The following TOPORS variants were observed in gnomAD, a reference collection of about 807,000 sequenced individuals.
The protein encoded by TOPORS is TOP1 binding arginine/serine rich protein, E3 ubiquitin ligase.
Under a neutral mutation model 81.4 loss-of-function variants are expected in TOPORS, and 25 were observed. That is an observed-to-expected ratio of 0.31 (90% CI 0.22 to 0.43). The LOEUF (loss-of-function observed/expected upper bound fraction) is 0.43. Ranked by LOEUF, TOPORS falls within the 20% of genes least tolerant of loss-of-function variation. The pLI is 1.00. For missense variants in TOPORS, 1,101 were observed against 1,267.0 expected, an observed-to-expected ratio of 0.87 and a Z score of 1.99; for synonymous variants, 473 against 456.6, an observed-to-expected ratio of 1.04 and a Z score of -0.46.
chr9:32,552,174 CA>C (rs35415231), intron 1 of TOPORS: 206,584 of 492,908 alleles, frequency 0.42, 13,390 homozygotes, highest in Admixed American at 0.47. Flanking sequence ...CCTTAGTTGG[CA>C]AAAAAAAAAA....
Position 32,542,172 on chromosome 9 carries a change from C to T in TOPORS, c.2353G>A (p.Asp785Asn). The change falls in exon 3 of 3, where the codon GAC (aspartate) becomes AAC (asparagine). Residue 785 changes from aspartate (D) to asparagine (N), a missense_variant. By Grantham distance (23) the Asp-to-Asn change is conservative (BLOSUM62 1). This residue lies in a region of TOPORS where 605 missense variants were observed against 636.1 expected (regional missense o/e 0.95). Transcript: ENST00000360538. Reference sequence around the variant, plus strand: ...CCAGGCTTTTCATTTCTCACCCGGTCAGTCCCGGTAGATGCAGTCCTTGAT... The same window carrying T: ...CCAGGCTTTTCATTTCTCACCCGGTTAGTCCCGGTAGATGCAGTCCTTGAT... ...NRSRTASTGTDRVRNEKPGGK... is the reference protein window; with the variant it reads ...NRSRTASTGTNRVRNEKPGGK... 1 of 1,614,222 alleles carries T rather than the reference C, an allele frequency of 6.2e-7. No individual in the cohort carries two copies. Among genetic ancestry groups the T allele is most frequent in the Admixed American group, 1.7e-5 (1 of 60,030 alleles).
In TOPORS at chr9:32,542,378, T is replaced by C; in HGVS notation, c.2147A>G (p.Tyr716Cys). The C allele has an allele frequency of 5.6e-6, 9 of 1,614,096 alleles. No individual in the cohort carries two copies. Among genetic ancestry groups the C allele is most frequent in the Middle Eastern group, 1.6e-4 (1 of 6,062 alleles). ...YYSRNKDRDG[Y>C]ESSYRRRTLS... Reference sequence around the variant, plus strand: ...AGTCCTCCTCCTGTAAGATGATTCGTACCCATCCCTGTCCTTGTTTCTACT... The same window carrying C: ...AGTCCTCCTCCTGTAAGATGATTCGCACCCATCCCTGTCCTTGTTTCTACT... Residue 716 changes from tyrosine (Y) to cysteine (C), a missense_variant, in exon 3 of 3, where the codon TAC (tyrosine) becomes TGC (cysteine). Tyr to Cys is a radical substitution (Grantham distance 194, BLOSUM62 -2). Transcript: ENST00000360538.
chr9:32,548,395 A>G (rs955737435), intron 2 of TOPORS, among the ~76,000 whole-genome samples: 2 of 151,696 alleles, frequency 1.3e-5, no homozygotes, highest in Non-Finnish European at 2.9e-5. Context: ...GTGGTGGCGC[A>G]TGCCTGGAAT....
chr9:32,545,733 G>A (rs1239065991), intron 2 of TOPORS, among the ~76,000 whole-genome samples: 1 of 151,996 alleles, frequency 6.6e-6, no homozygotes, highest in African/African-American at 2.4e-5. Flanking sequence ...TGCAGTGGGT[G>A]ACAAGAGTGA....
Position 32,541,480 on chromosome 9 carries a change from A to G in TOPORS, c.3045T>C (p.Ile1015=), listed in dbSNP as rs911114850. 2.5e-6 allele frequency: 4 copies of G among 1,614,226 alleles called. No individual in the cohort carries two copies. The highest frequency in any genetic ancestry group is 1.1e-5 in the South Asian group (1 of 91,090). Residue 1015 remains isoleucine, a synonymous_variant, in exon 3 of 3, where the codon ATT becomes ATC. Transcript: ENST00000360538. ...VSDLENQPSN[I]VSLQTEPSRQ... The stretch of plus-strand genomic sequence containing the variant: ...TTGATGGCTCAGTTTGAAGAGACAC[A>G]ATGTTACTGGGCTGGTTCTCCAAAT...
chr9:32,551,478 A>G (rs1003534866), intron 1 of TOPORS: 12 of 267,358 alleles, frequency 4.5e-5, no homozygotes, highest in Admixed American at 4.7e-5. Flanking sequence ...GGCTGGGGAG[A>G]AACAGGACAA....
At position 32,543,786 on chromosome 9, in the gene TOPORS, A is replaced by G; in HGVS notation, c.739T>C (p.Leu247=). The G allele has an allele frequency of 1.2e-6, 2 of 1,611,610 alleles. No homozygotes were observed. The highest frequency in any genetic ancestry group is 2.2e-5 in the South Asian group (2 of 90,648). The change falls in exon 3 of 3, where the codon TTG becomes CTG. Residue 247 remains leucine, a synonymous_variant. Coordinates refer to ENST00000360538, the MANE Select transcript of TOPORS (RefSeq NM_005802.5). The surrounding 1 kb of genome is among the most constrained non-coding windows in gnomAD (Gnocchi z 5.6). ...ATATCTTGTTCTTGAATTTTCCGCA[A>G]AGATCTTTCATCTGCCGTAGTTGGC... The part of the protein sequence containing the change: ...RRPTTADERS[L]RKIQEQDIIN...
In TOPORS at chr9:32,542,707, A is replaced by C. The variant is rs1402253933; in HGVS notation, c.1818T>G (p.Ser606Arg). ...RSRSSDSRSQSRSGHDQKNHR... is the reference protein window; with the variant it reads ...RSRSSDSRSQRRSGHDQKNHR... ...GATTCTTCTGATCATGCCCACTTCTACTCTGAGAACGTGAATCTGAACTTC... is the reference window on the plus strand; with the variant it reads ...GATTCTTCTGATCATGCCCACTTCTCCTCTGAGAACGTGAATCTGAACTTC... The change falls in exon 3 of 3, where the codon AGT becomes AGG. Residue 606 changes from serine to arginine, a missense_variant. By Grantham distance (110) the Ser-to-Arg change is moderately radical. This residue lies in a region of TOPORS where 605 missense variants were observed against 636.1 expected (regional missense o/e 0.95). Coordinates refer to ENST00000360538, the MANE Select transcript of TOPORS (RefSeq NM_005802.5). The C allele has an allele frequency of 3.1e-6, 5 of 1,613,686 alleles. No individual in the cohort carries two copies. Among genetic ancestry groups the C allele is most frequent in the Non-Finnish European group, 4.2e-6 (5 of 1,179,970 alleles).
intron 2 of TOPORS, among the ~76,000 whole-genome samples, chr9:32,548,580 C>G (rs1821174283): frequency 2.0e-5 from 3 of 152,086 alleles, no homozygotes. Flanking sequence ...AAGAGACGTT[C>G]TGAATTTAAG....
Position 32,550,733 on chromosome 9 carries a change from C to G in TOPORS, c.198+41G>C, listed in dbSNP as rs1277337613. The G allele has an allele frequency of 3.1e-6, 5 of 1,609,534 alleles. No homozygotes were observed. In the East Asian group the frequency reaches 1.1e-4, roughly 36 times the overall value. On this transcript the variant is annotated intron_variant, in intron 2 of 2. Coordinates refer to ENST00000360538, the MANE Select transcript of TOPORS (RefSeq NM_005802.5). ...AGGCGGGAGCGCCAACTCCCACGGCCCTTCCGACCCCCGCGTCCCATTGTT... is the reference window on the plus strand; with the variant it reads ...AGGCGGGAGCGCCAACTCCCACGGCGCTTCCGACCCCCGCGTCCCATTGTT...
intron 1 of TOPORS, 180 bp downstream of exon 1, chr9:32,552,254 C>T (rs1456847402): frequency 1.3e-6 from 1 of 794,134 alleles, no homozygotes; most frequent in Non-Finnish European, 2.1e-6. Context: ...CCCCCGATCA[C>T]GTGATACCGC....
At position 32,541,441 on chromosome 9, in the gene TOPORS, C is replaced by T. The variant is rs377690669; in HGVS notation, c.3084G>A (p.Ser1028=). 36 of 1,614,144 alleles carry T rather than the reference C, an allele frequency of 2.2e-5. No homozygotes were observed. The highest frequency in any genetic ancestry group is 2.2e-4 in the South Asian group (20 of 91,086). ...LQTEPSRQLP[S]PRTSLMSVCL... The stretch of plus-strand genomic sequence containing the variant: ...ATACTGACATTAATGATGTCCGTGG[C>T]GATGGCAATTGCCTTGATGGCTCAG... The change falls in exon 3 of 3, where the codon TCG becomes TCA. Residue 1028 remains serine, a synonymous_variant. Transcript: ENST00000360538.
chr9:32,544,298 T>C lies in TOPORS; in HGVS notation c.227A>G (p.Lys76Arg). The change falls in exon 3 of 3, where the codon AAA (lysine) becomes AGA (arginine). Residue 76 changes from lysine to arginine, a missense_variant. By Grantham distance (26) the Lys-to-Arg change is conservative. Transcript: ENST00000360538. ...EIMASAAKEF[K>R]MDNFSPKAGT... ...AGCTTTAGGTGAAAAGTTGTCCATT[T>C]TAAATTCCTTAGCAGCTGATGCCAT... 6.2e-7 allele frequency: 1 copy of C among 1,601,830 alleles called. No homozygotes were observed. Among genetic ancestry groups the C allele is most frequent in the South Asian group, 1.1e-5 (1 of 91,080 alleles).
In TOPORS at chr9:32,542,029, C is replaced by T; in HGVS notation, c.2496G>A (p.Leu832=). Residue 832 remains leucine (L), a synonymous_variant, in exon 3 of 3, where the codon TTG becomes TTA. Transcript: ENST00000360538. Reference sequence around the variant, plus strand: ...CACTCTCATTTTTGTAGTTTCCATCCAATTTTGATGAAGATTTTTGGTAAT... The same window carrying T: ...CACTCTCATTTTTGTAGTTTCCATCTAATTTTGATGAAGATTTTTGGTAAT... The part of the protein sequence containing the change: ...DSHYQKSSSK[L]DGNYKNESDT... The T allele has an allele frequency of 6.2e-7, 1 of 1,614,028 alleles. No homozygotes were observed. Among genetic ancestry groups the T allele is most frequent in the Non-Finnish European group, 8.5e-7 (1 of 1,180,016 alleles).
chr9:32,547,789 C>A (rs1821159448), intron 2 of TOPORS, among the ~76,000 whole-genome samples: 1 of 152,022 alleles, frequency 6.6e-6, no homozygotes, highest in South Asian at 2.1e-4. Context: ...AAATCATTGA[C>A]CTACAAACTT....
At chr9:32,550,495 T>C (rs1434051964) in intron 2 of TOPORS, among the ~76,000 whole-genome samples, 1 of 152,114 alleles carries the variant, frequency 6.6e-6, no homozygotes, top group Admixed American at 6.6e-5. Context: ...TCAGTCTCAT[T>C]GCTTTTTTGC....
chr9:32,551,807 G>T (rs902228198), intron 1 of TOPORS: 37 of 451,218 alleles, frequency 8.2e-5, no homozygotes, highest in Admixed American at 7.1e-4. Context: ...CATTATGGCG[G>T]GTAACGCGTC....
rs772045314 is a variant in TOPORS at position 32,542,834 on chromosome 9, C to T, written c.1691G>A (p.Arg564Gln). 9 of 1,613,900 alleles carry T rather than the reference C, an allele frequency of 5.6e-6. No homozygotes were observed. The East Asian group carries it at 1.3e-4, about 24-fold the overall frequency. Residue 564 changes from arginine to glutamine, a missense_variant, in exon 3 of 3, where the codon CGA (arginine) becomes CAA (glutamine). By Grantham distance (43) the Arg-to-Gln change is conservative. Coordinates refer to ENST00000360538, the MANE Select transcript of TOPORS (RefSeq NM_005802.5). ...TRIKSKKEEK[R>Q]STSLSSPRNL... ...TCTGGGAGATGACAATGATGTAGAT[C>T]GTTTCTCTTCCTTCTTTGATTTGAT... is the stretch of plus-strand genomic sequence containing the variant.
chr9:32,550,991 C>T (rs1328950493), intron 1 of TOPORS, 23 bp from the exon 2 acceptor site: 2 of 1,607,148 alleles, frequency 1.2e-6, no homozygotes, highest in East Asian at 2.2e-5. Flanking sequence ...GGGCTCATCA[C>T]CAATGGCAGC....
Sources: allele counts gnomAD v4.1 joint callset (sites outside exome capture counted in the v4.1 genomes callset), GRCh38; gene constraint gnomAD v4.1.1; regional missense constraint gnomAD v4.1.1; non-coding constraint Gnocchi (gnomAD v3.1); transcripts MANE v1.5; gene names NCBI Gene and HGNC (gene_info 2026-07-23, HGNC 2026-07-21).